NPAS3: variants seen among roughly 807,000 people sequenced by gnomAD.
The protein encoded by NPAS3 is neuronal PAS domain-containing protein 3.
NPAS3 carries 14 observed loss-of-function variants against 73.1 expected under a neutral mutation model. The observed-to-expected ratio is 0.19, with a 90% CI of 0.13 to 0.30. The LOEUF is 0.30. Ranked by LOEUF, NPAS3 falls within the 10% of genes least tolerant of loss-of-function variation. NPAS3 has a pLI of 1.00. For synonymous variants in NPAS3, 620 were observed against 541.5 expected, an observed-to-expected ratio of 1.14 and a Z score of -2.01; for missense variants, 1,096 against 1,250.0, an observed-to-expected ratio of 0.88 and a Z score of 1.86.
At chr14:33,339,178 C>T (rs758132341) in intron 3 of NPAS3, among the ~76,000 whole-genome samples, 33 of 152,114 alleles carry the variant, frequency 2.2e-4, no homozygotes, top group African/African-American at 6.5e-4. Flanking sequence ...ATTATTGTTA[C>T]GCTAAATGTT....
chr14:33,364,462 G>A (rs1249839118), intron 3 of NPAS3, among the ~76,000 whole-genome samples: 1 of 152,184 alleles, frequency 6.6e-6, no homozygotes, highest in African/African-American at 2.4e-5. Flanking sequence ...ATTTATGTTG[G>A]TTGTAAAATT....
At chr14:33,177,071 T>TTTATCATTA (rs2045615418) in intron 2 of NPAS3, among the ~76,000 whole-genome samples, 2 of 138,336 alleles carry the variant, frequency 1.4e-5, no homozygotes, top group Admixed American at 7.3e-5. Context: ...TGTTTATCTT[T>TTTATCATTA]TTATTATTAT....
intron 2 of NPAS3, among the ~76,000 whole-genome samples, chr14:33,069,069 G>A (rs1263441782): frequency 1.3e-5 from 2 of 152,184 alleles, no homozygotes; most frequent in Non-Finnish European, 2.9e-5. Flanking sequence ...CTGAGCATAT[G>A]CTTCAGGGGG....
chr14:33,626,253 T>G (rs2058216152), intron 5 of NPAS3, among the ~76,000 whole-genome samples: 2 of 152,178 alleles, frequency 1.3e-5, no homozygotes. Flanking sequence ...AGGTAATATT[T>G]GCATAAAATT....
At chr14:33,785,434 C>CA (rs1223437695) in intron 9 of NPAS3, among the ~76,000 whole-genome samples, 3,939 of 75,104 alleles carry the variant, frequency 0.052, 212 homozygotes, top group African/African-American at 0.12. Flanking sequence ...GACTCCATCT[C>CA]AAAAAAAAAA....
intron 3 of NPAS3, among the ~76,000 whole-genome samples, chr14:33,227,700 A>G (rs1039799540): frequency 6.6e-6 from 1 of 152,172 alleles, no homozygotes; most frequent in Non-Finnish European, 1.5e-5. Flanking sequence ...TCCAAGTACC[A>G]TCACAATGGG....
chr14:33,776,421 T>A (rs1444635991), intron 8 of NPAS3, among the ~76,000 whole-genome samples: 1 of 149,978 alleles, frequency 6.7e-6, no homozygotes, highest in African/African-American at 2.5e-5. Flanking sequence ...ATCAACTCAT[T>A]AATTCTTTTG....
At chr14:33,560,852 T>C (rs1255478798) in intron 5 of NPAS3, among the ~76,000 whole-genome samples, 4 of 152,194 alleles carry the variant, frequency 2.6e-5, no homozygotes, top group African/African-American at 9.7e-5. Context: ...CTTCTCGATA[T>C]TCCCCTGGAA....
intron 4 of NPAS3, among the ~76,000 whole-genome samples, chr14:33,438,958 A>G (rs984863332): frequency 6.6e-6 from 1 of 152,198 alleles, no homozygotes; most frequent in Non-Finnish European, 1.5e-5. Context: ...AAATTTTTCA[A>G]CACCATGTAG....
intron 5 of NPAS3, among the ~76,000 whole-genome samples, chr14:33,573,463 G>A (rs1405085950): frequency 6.6e-6 from 1 of 152,210 alleles, no homozygotes; most frequent in East Asian, 1.9e-4. Flanking sequence ...TACAAATCAT[G>A]AAGATAGAAT....
rs201283993 is a variant in NPAS3 at position 33,095,657 on chromosome 14, C to CTTTTTTTTTTTTTTTTTTTTT, written c.140+39667_140+39668insTTTTTTTTTTTTTTTTTTTTT. ...TACACAAAGGCGTGGGCATTCTCTGCTTTTATTTTTTTATTTTTTTTTTTT... is the reference window on the plus strand; with the variant it reads ...TACACAAAGGCGTGGGCATTCTCTGCTTTTTTTTTTTTTTTTTTTTTTTTTATTTTTTTATTTTTTTTTTTT... On this transcript the variant is annotated intron_variant, in intron 2 of 11. Transcript: ENST00000356141. Among the ~76,000 whole-genome samples the CTTTTTTTTTTTTTTTTTTTTT allele has an allele frequency of 6.1e-5, 6 of 97,656 alleles. 3 individuals are homozygous for CTTTTTTTTTTTTTTTTTTTTT. The highest frequency in any genetic ancestry group is 1.8e-4 in the African/African-American group (4 of 22,268). The allele number at this position is 97,656 out of a possible 152,430, so 64.1% of individuals were successfully genotyped here.
intron 4 of NPAS3, among the ~76,000 whole-genome samples, chr14:33,470,145 CAAAG>C (rs1401156862): frequency 2.0e-5 from 3 of 152,250 alleles, no homozygotes; most frequent in South Asian, 2.1e-4. Flanking sequence ...GGTCCTAAGA[CAAAG>C]AAAGCCAGGT....
chr14:33,461,564 C>T (rs1566924141), intron 4 of NPAS3, among the ~76,000 whole-genome samples: 1 of 152,134 alleles, frequency 6.6e-6, no homozygotes, highest in African/African-American at 2.4e-5. Context: ...CCCTGATGGG[C>T]ATGAGGGAAG....
intron 9 of NPAS3, among the ~76,000 whole-genome samples, chr14:33,783,602 G>T (rs1308494224): frequency 1.4e-5 from 2 of 142,076 alleles, no homozygotes; most frequent in African/African-American, 5.1e-5. Flanking sequence ...GGGTGGTGTG[G>T]GGGGGCGGGT....
At chr14:33,480,141 G>T (rs905246437) in intron 4 of NPAS3, among the ~76,000 whole-genome samples, 1 of 152,158 alleles carries the variant, frequency 6.6e-6, no homozygotes, top group African/African-American at 2.4e-5. Context: ...GCAACACAAA[G>T]CCTGAGAGAT....
chr14:33,278,139 C>A (rs1387930130), intron 3 of NPAS3, among the ~76,000 whole-genome samples: 2 of 152,044 alleles, frequency 1.3e-5, no homozygotes, highest in Non-Finnish European at 2.9e-5. Flanking sequence ...AAGCTTTTTG[C>A]CTGAGCTATT....
chr14:33,458,824 A>G (rs1465796691), intron 4 of NPAS3, among the ~76,000 whole-genome samples: 1 of 152,188 alleles, frequency 6.6e-6, no homozygotes, highest in Non-Finnish European at 1.5e-5. Context: ...TACATACGAG[A>G]GTTTTGTTAC....
At chr14:33,087,311 A>T (rs2042071358) in intron 2 of NPAS3, among the ~76,000 whole-genome samples, 1 of 145,680 alleles carries the variant, frequency 6.9e-6, no homozygotes, top group African/African-American at 2.6e-5. Flanking sequence ...AAAATTAAAG[A>T]CTTCAAGCCT....
chr14:33,796,298 T>C (rs138506057), intron 10 of NPAS3, among the ~76,000 whole-genome samples: 37 of 152,330 alleles, frequency 2.4e-4, no homozygotes, highest in Non-Finnish European at 4.9e-4. Context: ...TCCCTCGTGA[T>C]ACTTAACAGA....
Sources: gnomAD v4.1 joint callset for allele counts (sites outside exome capture counted in the v4.1 genomes callset) on GRCh38, gnomAD v4.1.1 for gene constraint, MANE v1.5 for transcripts, NCBI Gene and HGNC (gene_info 2026-07-23, HGNC 2026-07-21) for gene names.